Variants in CDH13 observed in about 807,000 individuals in gnomAD.
CDH13 encodes the protein cadherin-13.
In CDH13, 24 loss-of-function variants were observed where a neutral mutation model predicts 63.8. The observed-to-expected ratio is 0.38, with a 90% CI of 0.27 to 0.53. The LOEUF (loss-of-function observed/expected upper bound fraction) is 0.53. CDH13 is among the 20% of genes least tolerant of loss of function. CDH13 has a pLI of 0.85. For missense variants in CDH13, 1,049 were observed against 903.1 expected (o/e 1.16, Z -2.07); for synonymous variants, 503 against 355.3 (o/e 1.42, Z -4.67).
intron 1 of CDH13, chr16:82,823,967 C>G (rs1264753064): frequency 3.9e-5 from 6 of 152,086 alleles, no homozygotes; most frequent in African/African-American, 1.4e-4. Context: ...ATTATGGTCA[C>G]TAGTGATCAT....
At chr16:82,833,798 C>A (rs1281274098) in intron 1 of CDH13, among the ~76,000 whole-genome samples, 4 of 152,182 alleles carry the variant, frequency 2.6e-5, no homozygotes, top group Non-Finnish European at 4.4e-5. Context: ...ACAGCAGCTA[C>A]TGGGGAGGGA....
intron 1 of CDH13, among the ~76,000 whole-genome samples, chr16:82,802,005 G>A (rs2036879291): frequency 6.6e-6 from 1 of 152,194 alleles, no homozygotes; most frequent in South Asian, 2.1e-4. Flanking sequence ...TCACCTCCAT[G>A]GGCGGGTGGG....
At chr16:82,718,924 T>A (rs1478710570) in intron 1 of CDH13, among the ~76,000 whole-genome samples, 1 of 152,188 alleles carries the variant, frequency 6.6e-6, no homozygotes, top group Non-Finnish European at 1.5e-5. Flanking sequence ...TGGAACAGCA[T>A]CTCACCAGAC....
chr16:83,222,975 T>C (rs1310110968), intron 5 of CDH13, among the ~76,000 whole-genome samples: 1 of 152,004 alleles, frequency 6.6e-6, no homozygotes, highest in Non-Finnish European at 1.5e-5. Context: ...CTCTACCCAC[T>C]AGATGCCAGT....
At chr16:82,902,031 G>C (rs2151245194) in intron 2 of CDH13, among the ~76,000 whole-genome samples, 1 of 152,334 alleles carries the variant, frequency 6.6e-6, no homozygotes, top group East Asian at 1.9e-4. Context: ...TTACGTGGCA[G>C]AGTCAAGACT....
intron 6 of CDH13, among the ~76,000 whole-genome samples, chr16:83,379,550 C>T (rs2091518411): frequency 1.3e-5 from 2 of 152,140 alleles, no homozygotes; most frequent in Admixed American, 6.6e-5. Flanking sequence ...ACTCAGCCCA[C>T]GTTTTCCCAT....
At chr16:82,733,675 G>T (rs2033520001) in intron 1 of CDH13, among the ~76,000 whole-genome samples, 1 of 152,152 alleles carries the variant, frequency 6.6e-6, no homozygotes, top group Admixed American at 6.5e-5. Flanking sequence ...TGACTGAGCT[G>T]GGGTTTAAAT....
intron 7 of CDH13, among the ~76,000 whole-genome samples, chr16:83,518,690 C>G (rs919266264): frequency 4.6e-5 from 7 of 151,516 alleles, no homozygotes; most frequent in African/African-American, 1.5e-4. Flanking sequence ...CCAGGATGGT[C>G]TCGATCTCCT....
chr16:82,884,342 G>A, intron 2 of CDH13: 2 of 385,990 alleles, frequency 5.2e-6, no homozygotes, highest in Non-Finnish European at 1.0e-5. Context: ...TGTTAGAAGA[G>A]AGCTTGGGAT....
intron 3 of CDH13, among the ~76,000 whole-genome samples, chr16:83,108,219 C>T (rs1390733192): frequency 6.6e-6 from 1 of 152,134 alleles, no homozygotes; most frequent in Non-Finnish European, 1.5e-5. Context: ...CCACTATACA[C>T]CGTGCTTGTG....
chr16:82,928,174 G>A (rs76457903), intron 2 of CDH13, among the ~76,000 whole-genome samples: 48 of 55,252 alleles, frequency 8.7e-4, no homozygotes, highest in African/African-American at 2.0e-3. Flanking sequence ...ATGTGTGTGT[G>A]TGTGTGTGTG....
chr16:83,132,592 T>C lies in CDH13; in HGVS notation c.483+7091T>C, dbSNP rs560369872. Among the ~76,000 whole-genome samples, 4 of 151,878 alleles carry C rather than the reference T, an allele frequency of 2.6e-5. No homozygotes were observed. The East Asian group carries it at 7.8e-4, about 30-fold the overall frequency. On this transcript the variant is annotated intron_variant, in intron 4 of 13. Transcript: ENST00000567109. Reference sequence around the variant, plus strand: ...CTCCCTAACTGGGACTACAGGTGGATGCCACCACGCCCAGCTAATTTTTGT... The same window carrying C: ...CTCCCTAACTGGGACTACAGGTGGACGCCACCACGCCCAGCTAATTTTTGT...
At chr16:83,258,582 A>T (rs1222846408) in intron 5 of CDH13, among the ~76,000 whole-genome samples, 1 of 152,210 alleles carries the variant, frequency 6.6e-6, no homozygotes, top group Non-Finnish European at 1.5e-5. Flanking sequence ...TCAAATGTGC[A>T]CTGCGGACCA....
intron 1 of CDH13, among the ~76,000 whole-genome samples, chr16:82,754,736 A>G (rs2034548455): frequency 6.6e-6 from 1 of 152,234 alleles, no homozygotes; most frequent in Admixed American, 6.5e-5. Context: ...ACAACTTGAC[A>G]GGACTTTGCT....
chr16:82,882,321 C>T (rs943103162), intron 2 of CDH13, among the ~76,000 whole-genome samples: 3 of 152,192 alleles, frequency 2.0e-5, no homozygotes, highest in Non-Finnish European at 4.4e-5. Flanking sequence ...CTAATGTCAT[C>T]TTCCTTTGGA....
At chr16:83,602,926 A>G (rs539248761) in intron 8 of CDH13, among the ~76,000 whole-genome samples, 2 of 152,236 alleles carry the variant, frequency 1.3e-5, no homozygotes, top group Non-Finnish European at 2.9e-5. Context: ...TGATTTTAGC[A>G]TAACAATAAC....
chr16:83,208,986 C>T (rs191048585), intron 4 of CDH13, among the ~76,000 whole-genome samples: 2 of 152,224 alleles, frequency 1.3e-5, no homozygotes, highest in East Asian at 1.9e-4. Flanking sequence ...CTAAGCATTA[C>T]CACTGCCTGG....
At chr16:82,811,995 A>G (rs966335188) in intron 1 of CDH13, among the ~76,000 whole-genome samples, 1 of 152,282 alleles carries the variant, frequency 6.6e-6, no homozygotes, top group South Asian at 2.1e-4. Context: ...AGACATGAGT[A>G]GGTTCTACCT....
At chr16:83,082,096 G>A (rs1035657230) in intron 3 of CDH13, among the ~76,000 whole-genome samples, 8 of 152,230 alleles carry the variant, frequency 5.3e-5, no homozygotes, top group Non-Finnish European at 1.0e-4. Flanking sequence ...CACTGTGCCC[G>A]GCCACCTAAT....
Sources: gnomAD v4.1 joint callset for allele counts (sites outside exome capture counted in the v4.1 genomes callset) on GRCh38, gnomAD v4.1.1 for gene constraint, MANE v1.5 for transcripts, NCBI Gene and HGNC (gene_info 2026-07-23, HGNC 2026-07-21) for gene names.